PCGF2: variants seen among roughly 807,000 people sequenced by gnomAD.
PCGF2 encodes polycomb group ring finger 2, also known as polycomb group RING finger protein 2.
A neutral mutation model predicts 36.1 loss-of-function variants in PCGF2; 8 were observed. The observed-to-expected ratio is 0.22, with a 90% CI of 0.13 to 0.40. The LOEUF is 0.40. Ranked by LOEUF, PCGF2 falls within the 10% of genes least tolerant of loss-of-function variation. PCGF2 has a pLI of 1.00. For missense variants in PCGF2, 436 were observed against 475.9 expected, an observed-to-expected ratio of 0.92 and a Z score of 0.78; for synonymous variants, 198 against 191.2, an observed-to-expected ratio of 1.04 and a Z score of -0.29.
Position 38,739,747 on chromosome 17 carries a change from G to T in PCGF2, c.113-65C>A. 1 of 1,187,246 alleles carries T rather than the reference G, an allele frequency of 8.4e-7. No homozygotes were observed. The highest frequency in any genetic ancestry group is 1.3e-6 in the Non-Finnish European group (1 of 791,158). The allele number at this position is 1,187,246 out of a possible 1,614,324, so 73.5% of individuals were successfully genotyped here. Reference sequence around the variant, plus strand: ...TTCCAACTCCAGGACCAGCCTCCCCGCCCTCTGCTCAGACTCAGATATCCC... The same window carrying T: ...TTCCAACTCCAGGACCAGCCTCCCCTCCCTCTGCTCAGACTCAGATATCCC... On this transcript the variant is annotated intron_variant, in intron 3 of 10. Coordinates refer to ENST00000620225, the MANE Select transcript of PCGF2 (RefSeq NM_007144.3). This position sits in a 1 kb window ranked among gnomAD's most constrained non-coding sequence, Gnocchi z 4.0.
chr17:38,747,337 GC>G (rs1161996516), intron 2 of PCGF2, among the ~76,000 whole-genome samples: 1 of 152,138 alleles, frequency 6.6e-6, no homozygotes, highest in African/African-American at 2.4e-5. Flanking sequence ...GGGAAGGGGG[GC>G]CAGTTTAGCA....
At chr17:38,742,801 G>A (rs575256671) in intron 2 of PCGF2, among the ~76,000 whole-genome samples, 3 of 152,266 alleles carry the variant, frequency 2.0e-5, no homozygotes, top group Non-Finnish European at 2.9e-5. Flanking sequence ...TCCTGTGTAC[G>A]TGCCATCTGG....
Position 38,739,494 on chromosome 17 carries a change from C to T in PCGF2, c.209+92G>A. 2 of 1,091,716 alleles carry T rather than the reference C, an allele frequency of 1.8e-6. No individual in the cohort carries two copies. The highest frequency in any genetic ancestry group is 1.4e-6 in the Non-Finnish European group (1 of 706,726). 67.6% of individuals were successfully genotyped at this position (1,091,716 alleles called of 1,614,324 possible). ...ACACCCCATGCTTCTCCTACACCTG[C>T]CGCCTTGGCTGAAGGAAGCACGGAG... On this transcript the variant is annotated intron_variant, in intron 4 of 10. Transcript: ENST00000620225. This position sits in a 1 kb window ranked among gnomAD's most constrained non-coding sequence, Gnocchi z 4.0.
chr17:38,745,563 G>A (rs1006317193), intron 2 of PCGF2, among the ~76,000 whole-genome samples: 1 of 152,210 alleles, frequency 6.6e-6, no homozygotes, highest in Non-Finnish European at 1.5e-5. Flanking sequence ...TTTTACAGAT[G>A]AGCACACTCA....
chr17:38,740,018 G>A (rs1393783200), intron 3 of PCGF2, among the ~76,000 whole-genome samples: 2 of 152,194 alleles, frequency 1.3e-5, no homozygotes, highest in African/African-American at 2.4e-5. Flanking sequence ...GCAAACAAGG[G>A]GTGTCCGCGT....
rs1060338 is a variant in PCGF2, at chr17:38,734,955, A to C, written c.*268T>G. ...CAGCAAATTACACAAGACCCCCCCCAAAAAAAATGAACACCATTTTCCACA... is the reference window on the plus strand; with the variant it reads ...CAGCAAATTACACAAGACCCCCCCCCAAAAAAATGAACACCATTTTCCACA... On this transcript the variant is annotated 3_prime_UTR_variant, in exon 11 of 11. Transcript: ENST00000620225. The C allele has an allele frequency of 0.32, 77,044 of 237,698 alleles. 13,956 individuals are homozygous for C. Among genetic ancestry groups the C allele is most frequent in the Non-Finnish European group, 0.39 (48,769 of 125,366 alleles). The allele number at this position is 237,698 out of a possible 1,614,324, so 14.7% of individuals were successfully genotyped here. A position where few individuals can be genotyped will look rare whatever the true frequency, so the allele number is the denominator to read the frequency against.
chr17:38,738,889 G>A (rs753581185), intron 6 of PCGF2, 28 bp from the exon 7 acceptor site: 1 of 1,597,118 alleles, frequency 6.3e-7, no homozygotes, highest in Admixed American at 1.7e-5. Flanking sequence ...TCTCGGGTTG[G>A]CGGAGGATGT....
At chr17:38,742,595 C>T (rs891129914) in intron 2 of PCGF2, among the ~76,000 whole-genome samples, 6 of 152,108 alleles carry the variant, frequency 3.9e-5, no homozygotes, top group Admixed American at 3.9e-4. Context: ...GGGTTCCCAC[C>T]CCACGCAGGG....
chr17:38,735,313 C>A lies in PCGF2; in HGVS notation c.945G>T (p.Gly315=), dbSNP rs149121439. The change falls in exon 11 of 11, where the codon GGG becomes GGT. Residue 315 remains glycine, a synonymous_variant. Coordinates refer to ENST00000620225, the MANE Select transcript of PCGF2 (RefSeq NM_007144.3). ...GTGTCTGCAGGCAGTTCAAGCTACCCCCGTTGGCAGCTGTGGTGGCCCCAC... is the reference window on the plus strand; with the variant it reads ...GTGTCTGCAGGCAGTTCAAGCTACCACCGTTGGCAGCTGTGGTGGCCCCAC... ...TASGATTAAN[G]GSLNCLQTPS... 5 of 1,533,282 alleles carry A rather than the reference C, an allele frequency of 3.3e-6. No individual in the cohort carries two copies. The highest frequency in any genetic ancestry group is 3.8e-5 in the Admixed American group (2 of 52,358). 95.0% of individuals were successfully genotyped at this position (1,533,282 alleles called of 1,614,324 possible). A position where few individuals can be genotyped will look rare whatever the true frequency, so the allele number is the denominator to read the frequency against.
Position 38,739,572 on chromosome 17 carries a change from C to T in PCGF2, c.209+14G>A, listed in dbSNP as rs367681208. ...AGAGGATCGCGGGGACAGGAGGTGC[C>T]GTGCCAAGCCCACCTGATGCTCAGC... On this transcript the variant is annotated intron_variant, in intron 4 of 10. Transcript: ENST00000620225. This position sits in a 1 kb window ranked among gnomAD's most constrained non-coding sequence, Gnocchi z 4.0. 6.0e-5 allele frequency: 96 copies of T among 1,593,892 alleles called. 2 individuals carry two copies. In the East Asian group the frequency reaches 6.5e-4, roughly 11 times the overall value.
At chr17:38,735,972 C>G (rs1201114448) in intron 10 of PCGF2, 118 bp downstream of exon 10, 12 of 746,906 alleles carry the variant, frequency 1.6e-5, no homozygotes, top group Non-Finnish European at 2.5e-5. Context: ...CCTGGACATG[C>G]AGCTCATGGG....
intron 9 of PCGF2, among the ~76,000 whole-genome samples, chr17:38,736,661 C>A (rs968890459): frequency 1.3e-5 from 2 of 151,926 alleles, no homozygotes; most frequent in Non-Finnish European, 2.9e-5. Flanking sequence ...GGTGAAACCC[C>A]GTCTCTACTA....
chr17:38,749,411 G>T (rs529443966), upstream of PCGF2: 71 of 312,370 alleles, frequency 2.3e-4, no homozygotes, highest in African/African-American at 1.4e-3. This position sits in a 1 kb window ranked among gnomAD's most constrained non-coding sequence, Gnocchi z 6.5. Context: ...GGGAGAGAAC[G>T]AGGAGGGAGG....
Position 38,735,267 on chromosome 17 carries a change from G to A in PCGF2, c.991C>T (p.Arg331Cys), listed in dbSNP as rs1906600599. 25 of 1,466,794 alleles carry A rather than the reference G, an allele frequency of 1.7e-5. No homozygotes were observed. The Middle Eastern group carries it at 5.4e-4, about 32-fold the overall frequency. The allele number at this position is 1,466,794 out of a possible 1,614,324, so 90.9% of individuals were successfully genotyped here. ...GGAGCGCCGTTGACAGTCATCTTGC[G>A]CCCCCTGCTGGTGGAGGATGGTGTC... Reference protein sequence around the residue: ...LQTPSSTSRGRKMTVNGAPVP... With the variant: ...LQTPSSTSRGCKMTVNGAPVP... Residue 331 changes from arginine (R) to cysteine (C), a missense_variant, in exon 11 of 11, where the codon CGC becomes TGC. Coordinates refer to ENST00000620225, the MANE Select transcript of PCGF2 (RefSeq NM_007144.3).
chr17:38,749,212 G>A, upstream of PCGF2: 1 of 168,734 alleles, frequency 5.9e-6, no homozygotes, highest in Non-Finnish European at 1.3e-5. This position sits in a 1 kb window ranked among gnomAD's most constrained non-coding sequence, Gnocchi z 6.5. Context: ...GTGGGCCCGC[G>A]CCTTTTCTCC....
intron 9 of PCGF2, among the ~76,000 whole-genome samples, chr17:38,736,978 C>T (rs542817660): frequency 3.3e-5 from 5 of 150,704 alleles, no homozygotes; most frequent in Admixed American, 2.6e-4. Flanking sequence ...ACTAAAAAAA[C>T]AGAATTAGCC....
intron 9 of PCGF2, 32 bp from the exon 10 acceptor site, chr17:38,736,202 C>G (rs758853862): frequency 2.7e-6 from 4 of 1,461,380 alleles, no homozygotes; most frequent in Non-Finnish European, 3.8e-6. Context: ...CACCATGACC[C>G]TGGCCAGCTC....
chr17:38,743,256 AT>A (rs71138649), intron 2 of PCGF2, among the ~76,000 whole-genome samples: 42,894 of 140,388 alleles, frequency 0.31, 6,882 homozygotes, highest in African/African-American at 0.44. Context: ...ACACTGGCTA[AT>A]TTTTTTTTTT....
intron 9 of PCGF2, among the ~76,000 whole-genome samples, chr17:38,736,625 G>A (rs1335864780): frequency 6.6e-6 from 1 of 151,672 alleles, no homozygotes; most frequent in Non-Finnish European, 1.5e-5. Context: ...ACAAGGTCAG[G>A]AGATCGAGAC....
Sources: allele counts gnomAD v4.1 joint callset (sites outside exome capture counted in the v4.1 genomes callset), GRCh38; gene constraint gnomAD v4.1.1; non-coding constraint Gnocchi (gnomAD v3.1); transcripts MANE v1.5; gene names NCBI Gene and HGNC (gene_info 2026-07-23, HGNC 2026-07-21).